The following MAP3K19 variants were observed in gnomAD, a reference collection of about 807,000 sequenced individuals.
MAP3K19 encodes the protein SPS1/STE20-related protein kinase YSK4.
A neutral mutation model predicts 114.4 loss-of-function variants in MAP3K19; 91 were observed. The observed-to-expected ratio is 0.80, with a 90% CI of 0.67 to 0.95. The LOEUF (loss-of-function observed/expected upper bound fraction) is 0.95, where lower values mean the gene tolerates loss of function less well. MAP3K19 is among the 40% of genes least tolerant of loss of function. The probability of loss-of-function intolerance (pLI) is 0.00; values close to 1 mark genes in which losing one functional copy is unlikely to be tolerated. For synonymous variants in MAP3K19, 518 were observed against 530.5 expected, an observed-to-expected ratio of 0.98 and a Z score of 0.32; for missense variants, 1,471 against 1,573.2, an observed-to-expected ratio of 0.94 and a Z score of 1.10.
intron 8 of MAP3K19, among the ~76,000 whole-genome samples, chr2:134,997,227 A>G (rs1686062505): frequency 6.6e-6 from 1 of 152,216 alleles, no homozygotes; most frequent in Non-Finnish European, 1.5e-5. Context: ...CAAATGAAAC[A>G]AGCCAGACAC....
intron 5 of MAP3K19, among the ~76,000 whole-genome samples, chr2:135,007,757 C>T (rs191439137): frequency 1.3e-5 from 2 of 152,258 alleles, no homozygotes; most frequent in African/African-American, 2.4e-5. Context: ...AATTTCACTG[C>T]TTAACCTTCT....
chr2:134,966,659 C>T (rs1218758007), intron 12 of MAP3K19, among the ~76,000 whole-genome samples: 1 of 150,682 alleles, frequency 6.6e-6, no homozygotes, highest in East Asian at 2.0e-4. Flanking sequence ...GTGCCTTGAG[C>T]CCCCCAGGCC....
At chr2:135,046,835 C>T (rs1041908363) in intron 1 of MAP3K19, among the ~76,000 whole-genome samples, 9 of 152,256 alleles carry the variant, frequency 5.9e-5, no homozygotes, top group African/African-American at 1.9e-4. Flanking sequence ...TGATTGGTTA[C>T]AAGAAGATTC....
At chr2:134,966,802 G>T (rs1175721189) in intron 12 of MAP3K19, among the ~76,000 whole-genome samples, 3 of 152,198 alleles carry the variant, frequency 2.0e-5, no homozygotes, top group Non-Finnish European at 4.4e-5. Context: ...CGAGGACGGA[G>T]TCTGAGCCTC....
At chr2:134,979,710 G>A (rs1230771630) in intron 12 of MAP3K19, among the ~76,000 whole-genome samples, 3 of 132,288 alleles carry the variant, frequency 2.3e-5, no homozygotes, top group East Asian at 2.5e-4. Context: ...CAAAATCCAC[G>A]CTGGAAACCT....
At chr2:134,966,825 C>T (rs1295284880) in intron 12 of MAP3K19, among the ~76,000 whole-genome samples, 4 of 152,064 alleles carry the variant, frequency 2.6e-5, no homozygotes, top group African/African-American at 9.7e-5. Context: ...TGGTGCACCA[C>T]GCAGGGAGGA....
intron 8 of MAP3K19, among the ~76,000 whole-genome samples, chr2:134,992,706 G>C (rs891541015): frequency 3.1e-4 from 47 of 151,242 alleles, no homozygotes; most frequent in African/African-American, 1.1e-3. Context: ...GTCTCGCTCT[G>C]TCGCCCAGGC....
At chr2:134,992,150 T>C (rs1314056952) in intron 8 of MAP3K19, among the ~76,000 whole-genome samples, 1 of 152,236 alleles carries the variant, frequency 6.6e-6, no homozygotes, top group Non-Finnish European at 1.5e-5. Context: ...TAAATTTCTC[T>C]GGAGCAATAC....
At chr2:135,024,343 A>ACTATAACTC (rs1688167392) in intron 4 of MAP3K19, among the ~76,000 whole-genome samples, 1 of 151,762 alleles carries the variant, frequency 6.6e-6, no homozygotes, top group Non-Finnish European at 1.5e-5. Context: ...TTCAAGAACC[A>ACTATAACTC]CTATAAGTCC....
At chr2:135,046,891 T>C (rs1384316497) in intron 1 of MAP3K19, among the ~76,000 whole-genome samples, 1 of 152,230 alleles carries the variant, frequency 6.6e-6, no homozygotes, top group African/African-American at 2.4e-5. Context: ...AACTAAAAGA[T>C]TACCCCTAGG....
chr2:134,992,319 G>A (rs1263561763), intron 8 of MAP3K19, among the ~76,000 whole-genome samples: 2 of 152,122 alleles, frequency 1.3e-5, no homozygotes, highest in Non-Finnish European at 2.9e-5. Flanking sequence ...ACTCTGAAAG[G>A]TGAGTGTGAG....
intron 3 of MAP3K19, among the ~76,000 whole-genome samples, chr2:135,028,052 T>G (rs1688297971): frequency 6.6e-6 from 1 of 152,226 alleles, no homozygotes; most frequent in African/African-American, 2.4e-5. Context: ...AAATTTAAAT[T>G]TAACTGGGTG....
chr2:134,989,996 C>T (rs1269443837), intron 9 of MAP3K19, among the ~76,000 whole-genome samples: 5 of 151,862 alleles, frequency 3.3e-5, no homozygotes, highest in African/African-American at 4.8e-5. Flanking sequence ...GCAGGAGAAA[C>T]GCTTGAACCC....
intron 5 of MAP3K19, among the ~76,000 whole-genome samples, chr2:135,020,928 G>A (rs1687930251): frequency 6.6e-6 from 1 of 152,228 alleles, no homozygotes; most frequent in Non-Finnish European, 1.5e-5. Flanking sequence ...GTCTCAGGTA[G>A]TATCTATAGC....
intron 8 of MAP3K19, among the ~76,000 whole-genome samples, chr2:134,992,399 C>A (rs1685646871): frequency 6.6e-6 from 1 of 152,094 alleles, no homozygotes; most frequent in Non-Finnish European, 1.5e-5. Flanking sequence ...TCTCTTCTTA[C>A]CAAAAAGTCA....
At chr2:135,045,098 G>A (rs1049543904) in intron 1 of MAP3K19, among the ~76,000 whole-genome samples, 3 of 152,136 alleles carry the variant, frequency 2.0e-5, no homozygotes, top group Non-Finnish European at 4.4e-5. Context: ...CCCTGTAAAC[G>A]TTTCTCTGGG....
chr2:135,005,724 G>A (rs1686766122), intron 5 of MAP3K19, among the ~76,000 whole-genome samples, 193 bp from the exon 6 acceptor site: 1 of 152,152 alleles, frequency 6.6e-6, no homozygotes, highest in Non-Finnish European at 1.5e-5. Flanking sequence ...TCATGGTTGT[G>A]ATTAATTGCA....
rs919789128 is a variant in MAP3K19 at position 134,998,798 on chromosome 2, T to G, written c.514A>C (p.Lys172Gln). 11 of 1,613,590 alleles carry G rather than the reference T, an allele frequency of 6.8e-6. No homozygotes were observed. Among genetic ancestry groups the G allele is most frequent in the Admixed American group, 3.3e-5 (2 of 59,986 alleles). The change falls in exon 8 of 13, where the codon AAG becomes CAG. Residue 172 changes from lysine to glutamine, a missense_variant. Physicochemically the swap from Lys to Gln is moderately conservative, Grantham distance 53 (BLOSUM62 1). Transcript: ENST00000392915. Reference sequence around the variant, plus strand: ...GGAGCATCTTCTCTGGTTACAGACTTGGAAATGTTCAGTTCTAAACAAGAT... The same window carrying G: ...GGAGCATCTTCTCTGGTTACAGACTGGGAAATGTTCAGTTCTAAACAAGAT... ...PRSCLELNISKSVTREDAPHF... is the reference protein window; with the variant it reads ...PRSCLELNISQSVTREDAPHF...
At position 134,999,256 on chromosome 2, in the gene MAP3K19, C is replaced by G. The variant is rs1000406109; in HGVS notation, c.315-259G>C. 1.3e-5 allele frequency among the ~76,000 whole-genome samples: 2 copies of G among 152,172 alleles called. No homozygotes were observed. The highest frequency in any genetic ancestry group is 4.8e-5 in the African/African-American group (2 of 41,440). On this transcript the variant is annotated intron_variant, in intron 7 of 12. Transcript: ENST00000392915. The surrounding 1 kb of genome is among the most constrained non-coding windows in gnomAD (Gnocchi z 4.1). ...TTTTCCCAATCACCATTTCCTTGCA[C>G]AGAGAAATCAGAGACCAAGGGCAGG...
Sources: allele counts gnomAD v4.1 joint callset (sites outside exome capture counted in the v4.1 genomes callset), GRCh38; gene constraint gnomAD v4.1.1; non-coding constraint Gnocchi (gnomAD v3.1); transcripts MANE v1.5; gene names NCBI Gene and HGNC (gene_info 2026-07-23, HGNC 2026-07-21).